Variants in NFIX observed in about 807,000 individuals in gnomAD.
NFIX encodes nuclear factor 1 X-type.
NFIX carries 2 observed loss-of-function variants against 53.3 expected under a neutral mutation model. The observed-to-expected ratio is 0.04, with a 90% CI of 0.02 to 0.12. The LOEUF (loss-of-function observed/expected upper bound fraction) is 0.12, where lower values mean the gene tolerates loss of function less well. NFIX is among the 10% of genes least tolerant of loss of function. The pLI is 1.00. For missense variants in NFIX, 310 were observed against 674.5 expected, an observed-to-expected ratio of 0.46 and a Z score of 5.99; for synonymous variants, 244 against 289.0, an observed-to-expected ratio of 0.84 and a Z score of 1.58.
chr19:13,039,218 A>AACCCC (rs2014428318), intron 2 of NFIX, among the ~76,000 whole-genome samples: 1 of 137,628 alleles, frequency 7.3e-6, no homozygotes, highest in African/African-American at 3.4e-5. Context: ...TTTAAATTAA[A>AACCCC]CACCCCCCCC....
rs963290081 is a variant in NFIX at position 13,094,248 on chromosome 19, C to G, written c.1495-387C>G. ...CACCCCCAACCCATTCCTAAAACCCCTCTGGGTACAAAAGCCCCAGCCTGG... is the reference window on the plus strand; with the variant it reads ...CACCCCCAACCCATTCCTAAAACCCGTCTGGGTACAAAAGCCCCAGCCTGG... On this transcript the variant is annotated intron_variant, in intron 10 of 10. Coordinates refer to ENST00000592199, the MANE Select transcript of NFIX (RefSeq NM_001365902.3). This position sits in a 1 kb window ranked among gnomAD's most constrained non-coding sequence, Gnocchi z 4.3. 2.6e-5 allele frequency among the ~76,000 whole-genome samples: 4 copies of G among 152,234 alleles called. No homozygotes were observed. The highest frequency in any genetic ancestry group is 5.9e-5 in the Non-Finnish European group (4 of 68,048).
chr19:13,014,528 ATTTCTAGAGATCGCCTGCTC>A lies in NFIX; in HGVS notation c.28-10492_28-10473del, dbSNP rs1195161457. ...TCCTCTCCCCTAAAAAGAATCAAGTATTTCTAGAGATCGCCTGCTCAGAGGGCTCAGATCCCTTGTCATAT... is the reference window on the plus strand; with the variant it reads ...TCCTCTCCCCTAAAAAGAATCAAGTAAGAGGGCTCAGATCCCTTGTCATAT... On this transcript the variant is annotated intron_variant, in intron 1 of 10. Transcript: ENST00000592199. The surrounding 1 kb of genome is among the most constrained non-coding windows in gnomAD (Gnocchi z 4.4). The A allele has an allele frequency of 6.6e-6, 1 of 152,268 alleles. No homozygotes were observed. The highest frequency in any genetic ancestry group is 6.5e-5 in the Admixed American group (1 of 15,292). 9.4% of individuals were successfully genotyped at this position (152,268 alleles called of 1,614,324 possible). A position where few individuals can be genotyped will look rare whatever the true frequency, so the allele number is the denominator to read the frequency against.
chr19:13,077,222 C>A (rs1599852532), intron 6 of NFIX, among the ~76,000 whole-genome samples: 1 of 152,104 alleles, frequency 6.6e-6, no homozygotes, highest in Non-Finnish European at 1.5e-5. Flanking sequence ...GAGGAGCCCC[C>A]CTCTTCCTGG....
intron 2 of NFIX, among the ~76,000 whole-genome samples, chr19:13,041,164 G>C (rs1454517751): frequency 6.6e-6 from 1 of 152,176 alleles, no homozygotes; most frequent in Non-Finnish European, 1.5e-5. Flanking sequence ...TGAAAGTTCA[G>C]GAGGCCAAGC....
At chr19:13,015,038 G>A (rs1254733885) in intron 1 of NFIX, among the ~76,000 whole-genome samples, 2 of 152,292 alleles carry the variant, frequency 1.3e-5, no homozygotes, top group African/African-American at 2.4e-5. Flanking sequence ...GCCCACAGGC[G>A]CTAGTGGCTG....
At chr19:13,031,823 G>A (rs1473814874) in intron 2 of NFIX, among the ~76,000 whole-genome samples, 1 of 152,202 alleles carries the variant, frequency 6.6e-6, no homozygotes, top group African/African-American at 2.4e-5. Flanking sequence ...GTTAGAAGGG[G>A]TAATGAGGCC....
At chr19:13,007,419 C>A (rs932425630) in intron 1 of NFIX, among the ~76,000 whole-genome samples, 6 of 152,192 alleles carry the variant, frequency 3.9e-5, no homozygotes, top group Admixed American at 1.3e-4. Context: ...AGGACTGCAG[C>A]AAAAGTGACG....
At chr19:13,058,763 A>G (rs1309675183) in intron 2 of NFIX, among the ~76,000 whole-genome samples, 1 of 152,112 alleles carries the variant, frequency 6.6e-6, no homozygotes, top group Admixed American at 6.5e-5. Flanking sequence ...GAAGTACAGG[A>G]GCACATGAAA....
chr19:13,059,778 T>A (rs1413954885), intron 2 of NFIX, among the ~76,000 whole-genome samples: 3 of 42,744 alleles, frequency 7.0e-5, no homozygotes, highest in East Asian at 2.3e-3. Flanking sequence ...ATTAGAATTC[T>A]TTTTTTTTTT....
chr19:13,094,584 G>T lies in NFIX; in HGVS notation c.1495-51G>T. ...TCACTGGGCCAGGTAGGAGTGAGAT[G>T]GGACCTGCCCCAGCTGTTCTCAGTA... On this transcript the variant is annotated intron_variant, in intron 10 of 10. Transcript: ENST00000592199. The surrounding 1 kb of genome is among the most constrained non-coding windows in gnomAD (Gnocchi z 4.3). 1.3e-6 allele frequency: 2 copies of T among 1,532,622 alleles called. No individual in the cohort carries two copies. Among genetic ancestry groups the T allele is most frequent in the Non-Finnish European group, 1.7e-6 (2 of 1,144,076 alleles). 94.9% of individuals were successfully genotyped at this position (1,532,622 alleles called of 1,614,324 possible). A position where few individuals can be genotyped will look rare whatever the true frequency, so the allele number is the denominator to read the frequency against.
In NFIX at chr19:13,005,411, C is replaced by T. The variant is rs2011961307; in HGVS notation, c.27+9547C>T. On this transcript the variant is annotated intron_variant, in intron 1 of 10. Transcript: ENST00000592199. This position sits in a 1 kb window ranked among gnomAD's most constrained non-coding sequence, Gnocchi z 4.7. ...GAGTGGGGCCTGCAGAGCCAGCTTC[C>T]TGGGTTTGACTCCTGGCTCTGCCAC... is the stretch of plus-strand genomic sequence containing the variant. Among the ~76,000 whole-genome samples the T allele has an allele frequency of 6.6e-6, 1 of 152,160 alleles. No homozygotes were observed. The highest frequency in any genetic ancestry group is 1.5e-5 in the Non-Finnish European group (1 of 68,036).
rs1195449343 is a variant in NFIX at position 13,027,132 on chromosome 19, G to C, written c.559+1580G>C. Among the ~76,000 whole-genome samples, 2 of 152,124 alleles carry C rather than the reference G, an allele frequency of 1.3e-5. No homozygotes were observed. Among genetic ancestry groups the C allele is most frequent in the African/African-American group, 4.8e-5 (2 of 41,426 alleles). On this transcript the variant is annotated intron_variant, in intron 2 of 10. Coordinates refer to ENST00000592199, the MANE Select transcript of NFIX (RefSeq NM_001365902.3). This position sits in a 1 kb window ranked among gnomAD's most constrained non-coding sequence, Gnocchi z 4.3. Reference sequence around the variant, plus strand: ...GGTGGTATTGGAATTCTTGTCCTGAGAGGTTGCTTTGGTAACTGGTTAGAA... The same window carrying C: ...GGTGGTATTGGAATTCTTGTCCTGACAGGTTGCTTTGGTAACTGGTTAGAA...
chr19:13,033,249 G>A (rs1036559813), intron 2 of NFIX, among the ~76,000 whole-genome samples: 3 of 152,162 alleles, frequency 2.0e-5, no homozygotes, highest in Admixed American at 6.5e-5. Context: ...CCCAGGAGGA[G>A]GAGGGCCTAG....
Position 13,001,277 on chromosome 19 carries a change from G to A in NFIX, c.27+5413G>A, listed in dbSNP as rs930942842. On this transcript the variant is annotated intron_variant, in intron 1 of 10. Coordinates refer to ENST00000592199, the MANE Select transcript of NFIX (RefSeq NM_001365902.3). This position sits in a 1 kb window ranked among gnomAD's most constrained non-coding sequence, Gnocchi z 6.5. The stretch of plus-strand genomic sequence containing the variant: ...TTCCCGAGGATGTCTGTGTGGCAGC[G>A]TGTGTCTGCCCGGGTCCCTCTCCAT... Among the ~76,000 whole-genome samples the A allele has an allele frequency of 1.3e-5, 2 of 152,178 alleles. No homozygotes were observed. The highest frequency in any genetic ancestry group is 6.5e-5 in the Admixed American group (1 of 15,276).
Position 13,011,026 on chromosome 19 carries a change from CT to C in NFIX, c.28-13994del, listed in dbSNP as rs1483251325. Among the ~76,000 whole-genome samples, 1 of 152,220 alleles carries C rather than the reference CT, an allele frequency of 6.6e-6. No homozygotes were observed. Among genetic ancestry groups the C allele is most frequent in the East Asian group, 1.9e-4 (1 of 5,198 alleles). On this transcript the variant is annotated intron_variant, in intron 1 of 10. Transcript: ENST00000592199. The surrounding 1 kb of genome is among the most constrained non-coding windows in gnomAD (Gnocchi z 6.5). Reference sequence around the variant, plus strand: ...TTTTATATGTAAGAACCGCTCCCCCCTCTTCCCGCTCCACGTTTGTACTTGG... The same window carrying C: ...TTTTATATGTAAGAACCGCTCCCCCCCTTCCCGCTCCACGTTTGTACTTGG...
rs1396198188 is a variant in NFIX at position 13,088,808 on chromosome 19, G to A, written c.1402+672G>A. Reference sequence around the variant, plus strand: ...GGACGAGGGAGGGCTGTGGGCTTTGGCTTACTTCATCTCTCTCTCTGTCTC... The same window carrying A: ...GGACGAGGGAGGGCTGTGGGCTTTGACTTACTTCATCTCTCTCTCTGTCTC... On this transcript the variant is annotated intron_variant, in intron 9 of 10. Coordinates refer to ENST00000592199, the MANE Select transcript of NFIX (RefSeq NM_001365902.3). This position sits in a 1 kb window ranked among gnomAD's most constrained non-coding sequence, Gnocchi z 5.9. Among the ~76,000 whole-genome samples, 1 of 152,074 alleles carries A rather than the reference G, an allele frequency of 6.6e-6. No individual in the cohort carries two copies. Among genetic ancestry groups the A allele is most frequent in the East Asian group, 1.9e-4 (1 of 5,174 alleles).
chr19:13,013,248 G>T lies in NFIX; in HGVS notation c.28-11773G>T, dbSNP rs2012471187. Among the ~76,000 whole-genome samples the T allele has an allele frequency of 6.6e-6, 1 of 152,064 alleles. No homozygotes were observed. The highest frequency in any genetic ancestry group is 2.4e-5 in the African/African-American group (1 of 41,386). ...GAGGACGGAAAAGTGAAAAAAGAAC[G>T]TGTGCGCCCAGCGGACCCGACTTAA... On this transcript the variant is annotated intron_variant, in intron 1 of 10. Coordinates refer to ENST00000592199, the MANE Select transcript of NFIX (RefSeq NM_001365902.3). The surrounding 1 kb of genome is among the most constrained non-coding windows in gnomAD (Gnocchi z 5.9).
In NFIX at chr19:13,094,754, C is replaced by A; in HGVS notation, c.*105C>A. 3 of 1,278,912 alleles carry A rather than the reference C, an allele frequency of 2.3e-6. No homozygotes were observed. The highest frequency in any genetic ancestry group is 2.0e-4 in the Middle Eastern group (1 of 4,940). The allele number at this position is 1,278,912 out of a possible 1,614,324, so 79.2% of individuals were successfully genotyped here. A position where few individuals can be genotyped will look rare whatever the true frequency, so the allele number is the denominator to read the frequency against. On this transcript the variant is annotated 3_prime_UTR_variant, in exon 11 of 11. Coordinates refer to ENST00000592199, the MANE Select transcript of NFIX (RefSeq NM_001365902.3). The surrounding 1 kb of genome is among the most constrained non-coding windows in gnomAD (Gnocchi z 4.3). Reference sequence around the variant, plus strand: ...ATCCCCCAGCCCAGCCCAGCCCCACCGAAAAGCAAAAATTACACGTCGTCA... The same window carrying A: ...ATCCCCCAGCCCAGCCCAGCCCCACAGAAAAGCAAAAATTACACGTCGTCA...
At position 13,097,356 on chromosome 19, in the gene NFIX, G is replaced by A. The variant is rs1453769204; in HGVS notation, c.*2707G>A. Reference sequence around the variant, plus strand: ...AAATCAACCAACACAAGATCAAAAAGGAAAAGGACGAGAGAAAAATTATTT... The same window carrying A: ...AAATCAACCAACACAAGATCAAAAAAGAAAAGGACGAGAGAAAAATTATTT... On this transcript the variant is annotated 3_prime_UTR_variant, in exon 11 of 11. Transcript: ENST00000592199. The A allele has an allele frequency of 6.6e-6, 1 of 152,096 alleles. No individual in the cohort carries two copies. Among genetic ancestry groups the A allele is most frequent in the Admixed American group, 6.6e-5 (1 of 15,242 alleles). The allele number at this position is 152,096 out of a possible 1,614,324, so 9.4% of individuals were successfully genotyped here.
Sources: allele counts gnomAD v4.1 joint callset (sites outside exome capture counted in the v4.1 genomes callset), GRCh38; gene constraint gnomAD v4.1.1; non-coding constraint Gnocchi (gnomAD v3.1); transcripts MANE v1.5; gene names NCBI Gene and HGNC (gene_info 2026-07-23, HGNC 2026-07-21).